The following CFAP44 variants were observed in gnomAD, a reference collection of about 807,000 sequenced individuals.
CFAP44 encodes cilia- and flagella-associated protein 44.
A neutral mutation model predicts 216.2 loss-of-function variants in CFAP44; 134 were observed. The ratio of observed to expected loss-of-function variants is 0.62; its 90% CI spans 0.54 to 0.72. The LOEUF is 0.72. Ranked by LOEUF, CFAP44 falls within the 30% of genes least tolerant of loss-of-function variation. The pLI is 0.00. For synonymous variants in CFAP44, 700 were observed against 727.6 expected (o/e 0.96, Z 0.61); for missense variants, 2,035 against 2,182.1 (o/e 0.93, Z 1.34).
intron 17 of CFAP44, among the ~76,000 whole-genome samples, chr3:113,373,885 T>A (rs867971415): frequency 6.6e-6 from 1 of 152,280 alleles, no homozygotes; most frequent in South Asian, 2.1e-4. Flanking sequence ...GGAACAAATA[T>A]TAGGGTTTTG....
chr3:113,323,151 C>T lies in CFAP44; in HGVS notation c.4516+3294G>A, dbSNP rs569216189. 7.2e-5 allele frequency among the ~76,000 whole-genome samples: 11 copies of T among 152,256 alleles called. No individual in the cohort carries two copies. In the South Asian group the frequency reaches 8.3e-4, roughly 11 times the overall value. ...GGGACCAAAATTCAAGATGAGATTT[C>T]GGTAGGGACACAGCCAAACCATAAC... On this transcript the variant is annotated intron_variant, in intron 28 of 34. Coordinates refer to ENST00000393845, the MANE Select transcript of CFAP44 (RefSeq NM_001164496.2).
At chr3:113,382,607 T>G (rs1559930782) in intron 15 of CFAP44, among the ~76,000 whole-genome samples, 1 of 152,018 alleles carries the variant, frequency 6.6e-6, no homozygotes, top group South Asian at 2.1e-4. Context: ...TAAACAGGTA[T>G]GATTAAATTT....
chr3:113,433,447 AAAAAAAAAAG>A, intron 2 of CFAP44, 108 bp downstream of exon 2: 1 of 443,310 alleles, frequency 2.3e-6, no homozygotes. Flanking sequence ...AAAAAAAAAA[AAAAAAAAAAG>A]ATCTATTTTA....
rs534851684 is a variant in CFAP44, at chr3:113,403,950, A to C, written c.1072T>G (p.Cys358Gly). 94 of 1,614,206 alleles carry C rather than the reference A, an allele frequency of 5.8e-5. No homozygotes were observed. The Admixed American group carries it at 7.5e-4, about 13-fold the overall frequency. ...WEGGLIKVEL[C>G]RGTSKSCHNG... Reference sequence around the variant, plus strand: ...TGACATGACTTGCTTGTCCCTCGACAGAGCTCCACTTTGATCAGACCACCT... The same window carrying C: ...TGACATGACTTGCTTGTCCCTCGACCGAGCTCCACTTTGATCAGACCACCT... Residue 358 changes from cysteine to glycine, a missense_variant, in exon 9 of 35, where the codon TGT becomes GGT. Physicochemically the swap from Cys to Gly is radical, Grantham distance 159 (BLOSUM62 -3). Around this residue, in one of 3 missense-constraint regions of CFAP44, gnomAD observed 1,883 missense variants for 2,023.7 expected, o/e 0.93. Coordinates refer to ENST00000393845, the MANE Select transcript of CFAP44 (RefSeq NM_001164496.2).
intron 2 of CFAP44, among the ~76,000 whole-genome samples, chr3:113,429,271 C>T (rs1455929545): frequency 6.6e-6 from 1 of 151,914 alleles, no homozygotes; most frequent in Non-Finnish European, 1.5e-5. Context: ...TCTATTTTTG[C>T]TTTGTGTATT....
intron 17 of CFAP44, among the ~76,000 whole-genome samples, chr3:113,377,090 G>C (rs915715469): frequency 1.3e-5 from 2 of 152,180 alleles, no homozygotes; most frequent in Non-Finnish European, 2.9e-5. Flanking sequence ...AATTCCATCT[G>C]CTTTTATTTT....
At chr3:113,433,499 A>T in intron 2 of CFAP44, 66 bp downstream of exon 2, 1 of 1,013,256 alleles carries the variant, frequency 9.9e-7, no homozygotes. Context: ...CTACTATAAA[A>T]ATTAATTATT....
chr3:113,294,553 G>A, intron 34 of CFAP44, 134 bp downstream of exon 34: 1 of 1,169,300 alleles, frequency 8.6e-7, no homozygotes, highest in Non-Finnish European at 1.1e-6. Flanking sequence ...TGTCCTCGGG[G>A]ACGCAGATGG....
chr3:113,336,107 AAAG>A lies in CFAP44; in HGVS notation c.3438-2527_3438-2525del, dbSNP rs781568461. ...TTATAGTTTAAATGTTTATATTACA[AAAG>A]AAGAAGGGCATAGAATCAAAGCTTA... On this transcript the variant is annotated intron_variant, in intron 24 of 34. Coordinates refer to ENST00000393845, the MANE Select transcript of CFAP44 (RefSeq NM_001164496.2). 5.9e-5 allele frequency among the ~76,000 whole-genome samples: 9 copies of A among 152,302 alleles called. No individual in the cohort carries two copies. In the East Asian group the frequency reaches 1.7e-3, roughly 29 times the overall value.
At chr3:113,347,748 C>T (rs988478667) in intron 22 of CFAP44, among the ~76,000 whole-genome samples, 8 of 152,168 alleles carry the variant, frequency 5.3e-5, no homozygotes, top group Admixed American at 6.5e-5. Flanking sequence ...GGACAAAAGG[C>T]GTCACTCTTC....
At chr3:113,301,001 T>A (rs1288044364) in intron 32 of CFAP44, among the ~76,000 whole-genome samples, 1 of 152,146 alleles carries the variant, frequency 6.6e-6, no homozygotes, top group Non-Finnish European at 1.5e-5. Context: ...CTTTTAGGTA[T>A]GAAACCCTTA....
chr3:113,427,851 G>A (rs909786238), intron 2 of CFAP44, among the ~76,000 whole-genome samples: 3 of 152,030 alleles, frequency 2.0e-5, no homozygotes, highest in Non-Finnish European at 4.4e-5. Flanking sequence ...GTGCAAACAT[G>A]AGGATGGTTA....
chr3:113,423,285 T>C (rs375653631), intron 4 of CFAP44, among the ~76,000 whole-genome samples: 2 of 151,910 alleles, frequency 1.3e-5, no homozygotes, highest in African/African-American at 4.8e-5. Context: ...TGGCTAATTT[T>C]TGTATTTCTT....
At chr3:113,439,682 T>C (rs533244743) in intron 1 of CFAP44, among the ~76,000 whole-genome samples, 1 of 152,242 alleles carries the variant, frequency 6.6e-6, no homozygotes, top group African/African-American at 2.4e-5. Context: ...TAAGGAAGTA[T>C]AAAGAAAAAG....
chr3:113,371,238 T>A (rs1933151709), intron 18 of CFAP44, among the ~76,000 whole-genome samples: 1 of 152,098 alleles, frequency 6.6e-6, no homozygotes, highest in Non-Finnish European at 1.5e-5. Context: ...TACTTTAAAC[T>A]TCATATGGAG....
At chr3:113,329,998 A>G (rs1387045717) in intron 26 of CFAP44, among the ~76,000 whole-genome samples, 170 bp downstream of exon 26, 2 of 152,168 alleles carry the variant, frequency 1.3e-5, no homozygotes, top group African/African-American at 4.8e-5. Flanking sequence ...AGTGATTTCC[A>G]GAAGGCCAAG....
chr3:113,436,685 G>A (rs1935248112), intron 1 of CFAP44, among the ~76,000 whole-genome samples: 1 of 152,162 alleles, frequency 6.6e-6, no homozygotes, highest in Non-Finnish European at 1.5e-5. Flanking sequence ...CCAAGACGCA[G>A]GTCCCAAATA....
At chr3:113,360,156 C>A (rs1950524558) in intron 21 of CFAP44, 1 of 151,458 alleles carries the variant, frequency 6.6e-6, no homozygotes, top group South Asian at 2.1e-4. Flanking sequence ...TGCTTCCAAA[C>A]CAAGCAGTGT....
intron 32 of CFAP44, among the ~76,000 whole-genome samples, chr3:113,300,871 C>A (rs1299533644): frequency 6.6e-6 from 1 of 152,076 alleles, no homozygotes; most frequent in Non-Finnish European, 1.5e-5. Context: ...ATGTATGTAG[C>A]TCAAAGGGGA....
Sources: gnomAD v4.1 joint callset for allele counts (sites outside exome capture counted in the v4.1 genomes callset) on GRCh38, gnomAD v4.1.1 for gene constraint, gnomAD v4.1.1 regional missense constraint, MANE v1.5 for transcripts, NCBI Gene and HGNC (gene_info 2026-07-23, HGNC 2026-07-21) for gene names.